The following CNTNAP5 variants were observed in gnomAD, a reference collection of about 807,000 sequenced individuals.
The protein encoded by CNTNAP5 is contactin-associated protein-like 5.
In CNTNAP5, 72 loss-of-function variants were observed where a neutral mutation model predicts 150.2. The observed-to-expected ratio is 0.48, with a 90% CI of 0.40 to 0.58. The LOEUF is 0.58. Ranked by LOEUF, CNTNAP5 falls within the 20% of genes least tolerant of loss-of-function variation. CNTNAP5 has a pLI of 0.00. For missense variants in CNTNAP5, 1,636 were observed against 1,626.2 expected, an observed-to-expected ratio of 1.01 and a Z score of -0.10; for synonymous variants, 672 against 619.8, an observed-to-expected ratio of 1.08 and a Z score of -1.25.
intron 3 of CNTNAP5, among the ~76,000 whole-genome samples, chr2:124,301,872 T>A (rs567154311): frequency 1.3e-5 from 2 of 152,246 alleles, no homozygotes; most frequent in Non-Finnish European, 2.9e-5. Context: ...ATGGACTATA[T>A]TTTATTATCC....
intron 3 of CNTNAP5, among the ~76,000 whole-genome samples, chr2:124,414,119 CTT>C (rs80216750): frequency 4.0e-5 from 5 of 124,238 alleles, no homozygotes; most frequent in African/African-American, 8.9e-5. Flanking sequence ...TTTGGATTTC[CTT>C]TTTTTTTTTT....
At chr2:124,324,472 C>T (rs142601968) in intron 3 of CNTNAP5, among the ~76,000 whole-genome samples, 6 of 152,210 alleles carry the variant, frequency 3.9e-5, no homozygotes, top group African/African-American at 7.2e-5. Flanking sequence ...GTGAGATTTG[C>T]GGTAAATGGA....
intron 18 of CNTNAP5, among the ~76,000 whole-genome samples, chr2:124,795,214 G>A (rs1015724803): frequency 6.6e-6 from 1 of 152,156 alleles, no homozygotes; most frequent in African/African-American, 2.4e-5. Flanking sequence ...TTTGAGTAAT[G>A]TGAGATTGAA....
At chr2:124,210,611 C>A (rs1685979560) in intron 1 of CNTNAP5, among the ~76,000 whole-genome samples, 2 of 152,010 alleles carry the variant, frequency 1.3e-5, no homozygotes, top group East Asian at 1.9e-4. Flanking sequence ...CAGTCTCTTA[C>A]CCTCAATTCT....
rs180895278 is a variant in CNTNAP5 at position 124,916,708 on chromosome 2, C to T, written c.*2420C>T. ...GGATGAAGAATCTGTGAAGCTCTAT[C>T]CTGACCACAATGGCACTACAAAATC... On this transcript the variant is annotated 3_prime_UTR_variant, in exon 24 of 24. Coordinates refer to ENST00000682447, the MANE Select transcript of CNTNAP5 (RefSeq NM_001367498.1). Among the ~76,000 whole-genome samples, 1 of 151,996 alleles carries T rather than the reference C, an allele frequency of 6.6e-6. No individual in the cohort carries two copies. The highest frequency in any genetic ancestry group is 6.6e-5 in the Admixed American group (1 of 15,226).
chr2:124,128,160 A>G (rs1034764642), intron 1 of CNTNAP5, among the ~76,000 whole-genome samples: 3 of 152,250 alleles, frequency 2.0e-5, no homozygotes, highest in African/African-American at 7.2e-5. Context: ...CAATCTACCC[A>G]TCTGACAAAG....
chr2:124,299,921 C>G (rs961341171), intron 3 of CNTNAP5, among the ~76,000 whole-genome samples: 5 of 152,082 alleles, frequency 3.3e-5, no homozygotes, highest in African/African-American at 1.2e-4. Flanking sequence ...CCATCTTGTC[C>G]CATAGTTAAT....
At chr2:124,209,493 C>A (rs970467025) in intron 1 of CNTNAP5, among the ~76,000 whole-genome samples, 29 of 152,194 alleles carry the variant, frequency 1.9e-4, no homozygotes, top group Non-Finnish European at 4.4e-5. Flanking sequence ...ATCTTGAACG[C>A]ACTTCCCTGT....
At chr2:124,513,582 G>T (rs527866638) in intron 8 of CNTNAP5, among the ~76,000 whole-genome samples, 5 of 152,328 alleles carry the variant, frequency 3.3e-5, no homozygotes, top group African/African-American at 1.2e-4. Flanking sequence ...CCACACGCAT[G>T]AATACACTAG....
chr2:124,509,051 A>G (rs958272802), intron 8 of CNTNAP5, among the ~76,000 whole-genome samples: 3 of 146,306 alleles, frequency 2.1e-5, no homozygotes, highest in Non-Finnish European at 3.1e-5. Flanking sequence ...GAATGCAGAT[A>G]ATCAAAGGTT....
At chr2:124,080,870 A>G (rs1449794575) in intron 1 of CNTNAP5, among the ~76,000 whole-genome samples, 5 of 152,224 alleles carry the variant, frequency 3.3e-5, no homozygotes, top group Non-Finnish European at 5.9e-5. Flanking sequence ...TATCAGGAGA[A>G]GATCAAGAGA....
At chr2:124,678,353 G>A (rs7567761) in intron 13 of CNTNAP5, among the ~76,000 whole-genome samples, 36,177 of 151,624 alleles carry the variant, frequency 0.24, 4,971 homozygotes, top group African/African-American at 0.37. Context: ...ATTACTGGGT[G>A]TCTTAAGCGG....
intron 1 of CNTNAP5, among the ~76,000 whole-genome samples, chr2:124,085,277 T>C (rs967613885): frequency 6.6e-6 from 1 of 152,162 alleles, no homozygotes; most frequent in Admixed American, 6.6e-5. Flanking sequence ...CATGTTTGGT[T>C]GTGATATTTT....
At chr2:124,644,856 A>G (rs1573518713) in intron 12 of CNTNAP5, among the ~76,000 whole-genome samples, 1 of 152,228 alleles carries the variant, frequency 6.6e-6, no homozygotes, top group South Asian at 2.1e-4. Context: ...CAGTGTTTGA[A>G]GCTAAGGGTT....
chr2:124,601,355 C>A (rs1473278433), intron 11 of CNTNAP5, among the ~76,000 whole-genome samples: 1 of 152,128 alleles, frequency 6.6e-6, no homozygotes, highest in Non-Finnish European at 1.5e-5. Flanking sequence ...GCATTTCTCA[C>A]AAAATTCTTC....
chr2:124,222,032 TTTGA>T (rs1350267391), intron 2 of CNTNAP5, among the ~76,000 whole-genome samples: 3 of 152,124 alleles, frequency 2.0e-5, no homozygotes, highest in Non-Finnish European at 4.4e-5. Context: ...AGTATCCTTT[TTTGA>T]TTATCACGAG....
chr2:124,071,252 AT>A (rs1408764070), intron 1 of CNTNAP5, among the ~76,000 whole-genome samples: 23 of 152,046 alleles, frequency 1.5e-4, no homozygotes, highest in Admixed American at 3.9e-4. Flanking sequence ...AATAAAAAAA[AT>A]AAGGGAAGCT....
chr2:124,424,466 C>T (rs1483522242), intron 4 of CNTNAP5, among the ~76,000 whole-genome samples: 1 of 152,180 alleles, frequency 6.6e-6, no homozygotes, highest in Non-Finnish European at 1.5e-5. Flanking sequence ...TTGGAAAAAT[C>T]TCCAAGATGC....
chr2:124,672,922 G>A (rs905160153), intron 13 of CNTNAP5, among the ~76,000 whole-genome samples: 1 of 151,846 alleles, frequency 6.6e-6, no homozygotes, highest in Non-Finnish European at 1.5e-5. Context: ...ACTAAAAAGA[G>A]AATTACAGAA....
Sources: gnomAD v4.1 joint callset for allele counts (sites outside exome capture counted in the v4.1 genomes callset) on GRCh38, gnomAD v4.1.1 for gene constraint, MANE v1.5 for transcripts, NCBI Gene and HGNC (gene_info 2026-07-23, HGNC 2026-07-21) for gene names.